Variants in KALRN observed in about 807,000 individuals in gnomAD.
KALRN encodes the protein kalirin.
Under a neutral mutation model 353.7 loss-of-function variants are expected in KALRN, and 70 were observed. The ratio of observed to expected loss-of-function variants is 0.20; its 90% CI spans 0.16 to 0.24. The LOEUF is 0.24. Ranked by LOEUF, KALRN falls within the 10% of genes least tolerant of loss-of-function variation. The pLI is 1.00. For synonymous variants in KALRN, 1,391 were observed against 1,434.8 expected, an observed-to-expected ratio of 0.97 and a Z score of 0.69; for missense variants, 2,791 against 3,756.7, an observed-to-expected ratio of 0.74 and a Z score of 6.72.
chr3:124,312,324 C>G (rs1279638329), intron 6 of KALRN, among the ~76,000 whole-genome samples: 17 of 152,078 alleles, frequency 1.1e-4, no homozygotes, highest in Non-Finnish European at 2.9e-5. Context: ...CCATGCCCGG[C>G]TAATTTTTGT....
At chr3:124,398,319 T>A (rs115469540) in intron 12 of KALRN, among the ~76,000 whole-genome samples, 2,324 of 152,298 alleles carry the variant, frequency 0.015, 34 homozygotes, top group African/African-American at 0.043. Context: ...TAGATTTATG[T>A]GTGTGTGTGT....
At chr3:124,712,723 A>G (rs2062952160) in intron 57 of KALRN, among the ~76,000 whole-genome samples, 1 of 150,034 alleles carries the variant, frequency 6.7e-6, no homozygotes, top group Admixed American at 6.6e-5. Context: ...TAGATTATAT[A>G]TAATATAAAA....
intron 1 of KALRN, chr3:124,152,612 G>A (rs1401789142): frequency 8.4e-6 from 4 of 476,264 alleles, no homozygotes; most frequent in African/African-American, 5.4e-5. Flanking sequence ...TTTTTTTTTT[G>A]AGACAGAGCC....
intron 5 of KALRN, among the ~76,000 whole-genome samples, chr3:124,282,985 C>A (rs764455804): frequency 2.0e-5 from 3 of 152,224 alleles, no homozygotes. Flanking sequence ...GCCCACCTAG[C>A]ACATACCAGC....
intron 5 of KALRN, among the ~76,000 whole-genome samples, chr3:124,270,065 G>C (rs992685222): frequency 6.6e-6 from 1 of 152,194 alleles, no homozygotes; most frequent in African/African-American, 2.4e-5. Context: ...GTGCCTCTTT[G>C]CTGAGGATAC....
At position 124,671,648 on chromosome 3, in the gene KALRN, C is replaced by G; in HGVS notation, c.6704-12C>G. On this transcript the variant is annotated splice_polypyrimidine_tract_variant and intron_variant, in intron 47 of 59. Transcript: ENST00000682506. ...CCAAAGCTTAGAGTAACCACCTGCT[C>G]TTATCCCACAGCACTGCAATCGCCC... 2 of 1,594,962 alleles carry G rather than the reference C, an allele frequency of 1.3e-6. No homozygotes were observed. Among genetic ancestry groups the G allele is most frequent in the Middle Eastern group, 1.7e-4 (1 of 6,038 alleles).
intron 34 of KALRN, among the ~76,000 whole-genome samples, chr3:124,623,945 A>G (rs1422475920): frequency 6.6e-6 from 1 of 152,228 alleles, no homozygotes; most frequent in East Asian, 1.9e-4. Flanking sequence ...TGTGTGTTGC[A>G]TGGAAACATG....
intron 6 of KALRN, among the ~76,000 whole-genome samples, chr3:124,311,569 T>C (rs1278404058): frequency 2.0e-5 from 3 of 152,232 alleles, no homozygotes; most frequent in Admixed American, 1.3e-4. Flanking sequence ...ATAACTACTT[T>C]GGAATACAGT....
chr3:124,047,176 T>C (rs1191266076), intron 1 of KALRN, among the ~76,000 whole-genome samples: 6 of 152,182 alleles, frequency 3.9e-5, no homozygotes, highest in Admixed American at 3.9e-4. Flanking sequence ...AAGATCCAAG[T>C]AGGAAAGTTC....
At chr3:124,611,658 C>A (rs1226341040) in intron 34 of KALRN, among the ~76,000 whole-genome samples, 1 of 152,140 alleles carries the variant, frequency 6.6e-6, no homozygotes, top group African/African-American at 2.4e-5. Flanking sequence ...ACACCCCGGC[C>A]CCTTTTAAAA....
chr3:124,147,876 T>A (rs574664191), intron 1 of KALRN, among the ~76,000 whole-genome samples: 1 of 152,334 alleles, frequency 6.6e-6, no homozygotes, highest in East Asian at 1.9e-4. Flanking sequence ...CCTAAAACAG[T>A]GTGAGGCACA....
chr3:124,216,427 T>C (rs555260936), intron 1 of KALRN, among the ~76,000 whole-genome samples: 3 of 152,350 alleles, frequency 2.0e-5, no homozygotes, highest in African/African-American at 7.2e-5. Flanking sequence ...GAAAATCTGT[T>C]GACAACTGGA....
At chr3:124,469,270 C>T (rs543495576) in intron 25 of KALRN, among the ~76,000 whole-genome samples, 2 of 152,294 alleles carry the variant, frequency 1.3e-5, no homozygotes, top group African/African-American at 4.8e-5. Context: ...GCTGAATGGG[C>T]GTCCAGCCCT....
At chr3:124,184,588 C>G (rs547596012) in intron 1 of KALRN, among the ~76,000 whole-genome samples, 429 of 152,308 alleles carry the variant, frequency 2.8e-3, no homozygotes, top group Non-Finnish European at 5.2e-3. Context: ...CCTGAAGACA[C>G]AGGTCAATTT....
intron 34 of KALRN, among the ~76,000 whole-genome samples, chr3:124,591,845 G>A (rs562842998): frequency 6.6e-6 from 1 of 152,320 alleles, no homozygotes; most frequent in Admixed American, 6.5e-5. Flanking sequence ...TGTCAACAGT[G>A]CCTCAGTGCT....
chr3:124,384,286 T>G (rs1020252730), intron 10 of KALRN, among the ~76,000 whole-genome samples: 1 of 152,112 alleles, frequency 6.6e-6, no homozygotes, highest in Non-Finnish European at 1.5e-5. Flanking sequence ...AGCCTGCATC[T>G]CCTCCCTCTG....
intron 33 of KALRN, among the ~76,000 whole-genome samples, chr3:124,516,319 C>A (rs1033247544): frequency 6.6e-6 from 1 of 152,202 alleles, no homozygotes; most frequent in Non-Finnish European, 1.5e-5. Flanking sequence ...ACCCCCTCCA[C>A]TTGCCAGCTG....
intron 34 of KALRN, among the ~76,000 whole-genome samples, chr3:124,611,784 A>G (rs1470798336): frequency 1.3e-5 from 2 of 152,116 alleles, no homozygotes; most frequent in East Asian, 3.9e-4. Flanking sequence ...CCCTTCACCC[A>G]CCAGCTGCGC....
chr3:124,260,870 C>G lies in KALRN; in HGVS notation c.264-3628C>G, dbSNP rs77213636. On this transcript the variant is annotated intron_variant, in intron 3 of 59. Coordinates refer to ENST00000682506, the MANE Select transcript of KALRN (RefSeq NM_001388419.1). ...CTGACTTTGTGGTTTTTCACAGACT[C>G]CAGAAGGGAGATCATTCACTTAGAC... Among the ~76,000 whole-genome samples the G allele has an allele frequency of 3.7e-4, 56 of 152,180 alleles. No homozygotes were observed. The East Asian group carries it at 0.011, about 29-fold the overall frequency.
Sources: allele counts gnomAD v4.1 joint callset (sites outside exome capture counted in the v4.1 genomes callset), GRCh38; gene constraint gnomAD v4.1.1; transcripts MANE v1.5; gene names NCBI Gene and HGNC (gene_info 2026-07-23, HGNC 2026-07-21).